The following CA10 variants were observed in gnomAD, a reference collection of about 807,000 sequenced individuals.
CA10 encodes the protein carbonic anhydrase 10 (inactive), also known as carbonic anhydrase-related protein 10.
A neutral mutation model predicts 44.2 loss-of-function variants in CA10; 14 were observed. The observed-to-expected ratio is 0.32, with a 90% confidence interval of 0.21 to 0.50. CA10 has a LOEUF of 0.50. CA10 is among the 20% of genes least tolerant of loss of function. CA10 has a pLI of 0.99. For missense variants in CA10, 350 were observed against 409.7 expected (o/e 0.85, Z 1.26); for synonymous variants, 159 against 141.6 (o/e 1.12, Z -0.87).
Position 51,718,523 on chromosome 17 carries a change from C to T in CA10, c.465+29110G>A, listed in dbSNP as rs138204665. Among the ~76,000 whole-genome samples, 610 of 152,282 alleles carry T rather than the reference C, an allele frequency of 4.0e-3. 4 individuals carry two copies. The highest frequency in any genetic ancestry group is 0.014 in the African/African-American group (589 of 41,568). ...ACCCTTCCCCATACCTTGCCCTATA[C>T]AGTTATTCCCCCCGGCTCTTCATTT... is the stretch of plus-strand genomic sequence containing the variant. On this transcript the variant is annotated intron_variant, in intron 4 of 8. Transcript: ENST00000451037.
At chr17:51,976,816 A>G (rs1297373393) in intron 2 of CA10, among the ~76,000 whole-genome samples, 1 of 152,112 alleles carries the variant, frequency 6.6e-6, no homozygotes, top group Non-Finnish European at 1.5e-5. Context: ...GATTAGTAAA[A>G]TTGATTAATA....
intron 3 of CA10, among the ~76,000 whole-genome samples, chr17:51,852,644 G>A (rs1310825136): frequency 2.6e-5 from 4 of 152,156 alleles, no homozygotes. Context: ...GAATCAGAAG[G>A]ATCTAGATGT....
At chr17:52,045,334 T>G (rs1326842711) in intron 2 of CA10, among the ~76,000 whole-genome samples, 1 of 151,736 alleles carries the variant, frequency 6.6e-6, no homozygotes, top group Admixed American at 6.6e-5. Flanking sequence ...TAAAATCGTA[T>G]AGAAAATGAT....
intron 4 of CA10, among the ~76,000 whole-genome samples, chr17:51,696,282 G>C (rs1049285584): frequency 6.6e-6 from 1 of 152,112 alleles, no homozygotes; most frequent in Non-Finnish European, 1.5e-5. Context: ...ATTTGGCTGT[G>C]AATCCACCTG....
intron 1 of CA10, among the ~76,000 whole-genome samples, chr17:52,143,223 C>T (rs141244407): frequency 3.3e-5 from 5 of 152,166 alleles, no homozygotes; most frequent in African/African-American, 9.6e-5. Context: ...TAATTATTTT[C>T]ACATTATTTG....
chr17:51,649,887 A>AAAT lies in CA10; in HGVS notation c.562-634_562-633insATT, dbSNP rs58496895. Among the ~76,000 whole-genome samples, 1,025 of 152,008 alleles carry AAAT rather than the reference A, an allele frequency of 6.7e-3. 11 individuals carry two copies. The highest frequency in any genetic ancestry group is 0.024 in the African/African-American group (978 of 41,454). On this transcript the variant is annotated intron_variant, in intron 5 of 8. Transcript: ENST00000451037. ...GAGGTATAAGGAAATGGAAAAAAAA[A>AAAT]AAAACTGAAAAGTATCACTGCTCAT... is the stretch of plus-strand genomic sequence containing the variant.
At chr17:52,088,133 C>T (rs1988166946) in intron 1 of CA10, among the ~76,000 whole-genome samples, 2 of 152,056 alleles carry the variant, frequency 1.3e-5, no homozygotes, top group African/African-American at 4.8e-5. Flanking sequence ...GGGTTCTAGG[C>T]TTACCACCTG....
At chr17:52,096,050 G>C (rs1018351938) in intron 1 of CA10, among the ~76,000 whole-genome samples, 8 of 152,088 alleles carry the variant, frequency 5.3e-5, no homozygotes, top group African/African-American at 1.7e-4. Context: ...AACCAGGCTA[G>C]TCCTATTTAC....
chr17:52,141,661 A>G (rs1007711413), intron 1 of CA10, among the ~76,000 whole-genome samples: 2 of 152,176 alleles, frequency 1.3e-5, no homozygotes, highest in Admixed American at 1.3e-4. Flanking sequence ...TTTGTTTTCT[A>G]AGTTGTAAAC....
At position 51,852,225 on chromosome 17, in the gene CA10, ACT is replaced by A. The variant is rs1312115791; in HGVS notation, c.279+78763_279+78764del. 4.6e-5 allele frequency among the ~76,000 whole-genome samples: 7 copies of A among 152,262 alleles called. No individual in the cohort carries two copies. In the East Asian group the frequency reaches 1.4e-3, roughly 29 times the overall value. The stretch of plus-strand genomic sequence containing the variant: ...CAAGACAGTATCAGGGTGGATGGAC[ACT>A]CAGTCATGACCACAGCCCAGTTCCG... On this transcript the variant is annotated intron_variant, in intron 3 of 8. Coordinates refer to ENST00000451037, the MANE Select transcript of CA10 (RefSeq NM_020178.5).
intron 3 of CA10, among the ~76,000 whole-genome samples, chr17:51,828,405 A>T (rs1254910254): frequency 6.6e-6 from 1 of 152,078 alleles, no homozygotes; most frequent in Non-Finnish European, 1.5e-5. Context: ...AATTGCTTTC[A>T]TTTCTCTGCA....
chr17:51,894,608 T>C (rs1598104816), intron 3 of CA10, among the ~76,000 whole-genome samples: 1 of 152,160 alleles, frequency 6.6e-6, no homozygotes, highest in South Asian at 2.1e-4. Flanking sequence ...AGATCCTGAT[T>C]TATAAATGTA....
chr17:51,959,878 T>A (rs1679697652), intron 2 of CA10, among the ~76,000 whole-genome samples: 1 of 147,632 alleles, frequency 6.8e-6, no homozygotes, highest in African/African-American at 2.5e-5. Context: ...TAATATATAA[T>A]ACTCAAATGA....
chr17:51,745,348 C>T (rs1382610955), intron 4 of CA10, among the ~76,000 whole-genome samples: 1 of 152,116 alleles, frequency 6.6e-6, no homozygotes, highest in Non-Finnish European at 1.5e-5. Flanking sequence ...TTGGGAAGGA[C>T]TGAGAGGAAA....
intron 3 of CA10, among the ~76,000 whole-genome samples, chr17:51,757,724 T>C (rs953513485): frequency 6.6e-6 from 1 of 152,244 alleles, no homozygotes; most frequent in African/African-American, 2.4e-5. Flanking sequence ...GACATGTATC[T>C]AGATACTGGG....
At chr17:51,995,219 A>C (rs977528972) in intron 2 of CA10, among the ~76,000 whole-genome samples, 1 of 152,074 alleles carries the variant, frequency 6.6e-6, no homozygotes, top group Non-Finnish European at 1.5e-5. Context: ...AAGTTATAAA[A>C]TATTTGGTAC....
At chr17:51,666,551 T>C (rs1914214596) in intron 4 of CA10, among the ~76,000 whole-genome samples, 1 of 152,104 alleles carries the variant, frequency 6.6e-6, no homozygotes, top group Non-Finnish European at 1.5e-5. Flanking sequence ...AGAAATCACA[T>C]TACCAACTGC....
intron 3 of CA10, chr17:51,761,876 A>G (rs1176206674): frequency 6.6e-6 from 1 of 152,174 alleles, no homozygotes; most frequent in Admixed American, 6.5e-5. Flanking sequence ...CACTGATGCT[A>G]TTTACAACTG....
intron 3 of CA10, among the ~76,000 whole-genome samples, chr17:51,831,710 A>AGCGGCGGCAGCGGCGGCG (rs1555604073): frequency 9.7e-6 from 1 of 102,818 alleles, no homozygotes; most frequent in African/African-American, 3.2e-5. Context: ...CAGCAGCAGC[A>AGCGGCGGCAGCGGCGGCG]GCAGCAGCAG....
Sources: allele counts gnomAD v4.1 joint callset (sites outside exome capture counted in the v4.1 genomes callset), GRCh38; gene constraint gnomAD v4.1.1; transcripts MANE v1.5; gene names NCBI Gene and HGNC (gene_info 2026-07-23, HGNC 2026-07-21).